UNC93A: variants seen among roughly 807,000 people sequenced by gnomAD.
UNC93A encodes unc-93 homolog A.
Under a neutral mutation model 47.5 loss-of-function variants are expected in UNC93A, and 43 were observed. The ratio of observed to expected loss-of-function variants is 0.91; its 90% confidence interval spans 0.71 to 1.17. The LOEUF (loss-of-function observed/expected upper bound fraction) is 1.17, where lower values mean the gene tolerates loss of function less well. Among genes scored for constraint, UNC93A ranks in the 50% most tolerant of loss-of-function variants. The pLI is 0.00. For missense variants in UNC93A, 605 were observed against 577.6 expected, an observed-to-expected ratio of 1.05 and a Z score of -0.49; for synonymous variants, 280 against 258.0, an observed-to-expected ratio of 1.09 and a Z score of -0.82.
intron 4 of UNC93A, among the ~76,000 whole-genome samples, chr6:167,301,988 C>A (rs1324755742): frequency 2.6e-5 from 4 of 152,144 alleles, no homozygotes; most frequent in African/African-American, 4.8e-5. Context: ...AGGAGTCCTG[C>A]TTTCATACGA....
chr6:167,285,960 C>CTCTCTCTA (rs534979428), intron 1 of UNC93A, among the ~76,000 whole-genome samples: 20 of 139,390 alleles, frequency 1.4e-4, no homozygotes, highest in African/African-American at 5.2e-4. Flanking sequence ...CTCTCTCTCT[C>CTCTCTCTA]TATATATATA....
intron 1 of UNC93A, among the ~76,000 whole-genome samples, chr6:167,284,167 A>G (rs1163936519): frequency 6.6e-6 from 1 of 151,908 alleles, no homozygotes; most frequent in African/African-American, 2.4e-5. Flanking sequence ...TCTTCAAAAC[A>G]CTAGGGATGG....
chr6:167,314,064 C>T (rs1174280559), intron 7 of UNC93A, among the ~76,000 whole-genome samples: 3 of 152,128 alleles, frequency 2.0e-5, no homozygotes, highest in Non-Finnish European at 4.4e-5. Flanking sequence ...GTAAGCGCAT[C>T]TGCGTTGGTC....
upstream of UNC93A, among the ~76,000 whole-genome samples, chr6:167,269,603 T>TTTTA (rs1258612710): frequency 6.6e-6 from 1 of 152,014 alleles, no homozygotes; most frequent in East Asian, 1.9e-4. Flanking sequence ...TTTAAAAAAT[T>TTTTA]TTTATTTATT....
chr6:167,274,132 T>C (rs1236046246), intron 1 of UNC93A, among the ~76,000 whole-genome samples: 1 of 152,176 alleles, frequency 6.6e-6, no homozygotes, highest in Middle Eastern at 3.2e-3. Flanking sequence ...TTATCTGTCA[T>C]GTGAAGTTAC....
At chr6:167,304,515 C>T (rs998985261) in intron 5 of UNC93A, among the ~76,000 whole-genome samples, 23 of 152,106 alleles carry the variant, frequency 1.5e-4, no homozygotes, top group African/African-American at 5.6e-4. Context: ...ATAGGAAAAG[C>T]ATTAAGTCCA....
Position 167,296,230 on chromosome 6 carries a change from A to T in UNC93A, c.468A>T (p.Ser156=), listed in dbSNP as rs1387866492. ...CCGGTGTGTGGGGCAACTTGATCTC[A>T]TCGCTGGTATTTGGCCAGACTCCCA... is the stretch of plus-strand genomic sequence containing the variant. The part of the protein sequence containing the change: ...QSSGVWGNLI[S]SLVFGQTPSQ... The change falls in exon 3 of 8, where the codon TCA becomes TCT. Residue 156 remains serine, a synonymous_variant. Transcript: ENST00000230256. 1 of 1,601,168 alleles carries T rather than the reference A, an allele frequency of 6.2e-7. No homozygotes were observed. Among genetic ancestry groups the T allele is most frequent in the Non-Finnish European group, 8.6e-7 (1 of 1,168,312 alleles).
chr6:167,280,535 T>C (rs1476304738), intron 1 of UNC93A, among the ~76,000 whole-genome samples: 1 of 152,132 alleles, frequency 6.6e-6, no homozygotes, highest in Non-Finnish European at 1.5e-5. Flanking sequence ...TGTCCTGCTG[T>C]TTCCATGGAT....
chr6:167,297,406 C>T (rs1469449808), intron 3 of UNC93A, among the ~76,000 whole-genome samples: 1 of 152,194 alleles, frequency 6.6e-6, no homozygotes, highest in African/African-American at 2.4e-5. Context: ...ACATCTTTCT[C>T]CTTTCCCCAG....
upstream of UNC93A, among the ~76,000 whole-genome samples, chr6:167,289,320 G>A (rs1214567393): frequency 6.6e-6 from 1 of 152,156 alleles, no homozygotes; most frequent in Admixed American, 6.5e-5. Context: ...GAACACTGAG[G>A]GGTGCTGGGA....
chr6:167,278,346 TC>T (rs1783577096), intron 1 of UNC93A, among the ~76,000 whole-genome samples: 1 of 151,954 alleles, frequency 6.6e-6, no homozygotes, highest in African/African-American at 2.4e-5. Context: ...AACTCGGGTG[TC>T]CCCAGGGCCC....
At chr6:167,286,312 C>T (rs529076401) in intron 1 of UNC93A, among the ~76,000 whole-genome samples, 2 of 152,328 alleles carry the variant, frequency 1.3e-5, no homozygotes, top group East Asian at 3.9e-4. Flanking sequence ...ACCCACACTG[C>T]ACATACAGGC....
chr6:167,298,295 T>G (rs372176984), intron 4 of UNC93A: 12 of 539,608 alleles, frequency 2.2e-5, no homozygotes, highest in East Asian at 1.1e-4. Flanking sequence ...GAGATTGTTA[T>G]ACATCTCCAG....
intron 6 of UNC93A, among the ~76,000 whole-genome samples, 195 bp from the exon 7 acceptor site, chr6:167,307,584 T>TGGTTG (rs1778435779): frequency 1.4e-5 from 2 of 138,566 alleles, no homozygotes; most frequent in East Asian, 2.0e-4. Context: ...ACGGTTGAGA[T>TGGTTG]AGTTGAGATG....
At chr6:167,277,506 G>A (rs2115076972) in intron 1 of UNC93A, among the ~76,000 whole-genome samples, 1 of 152,296 alleles carries the variant, frequency 6.6e-6, no homozygotes, top group Non-Finnish European at 1.5e-5. Context: ...TCCTGCAAAA[G>A]CTCTGGTCAG....
chr6:167,282,310 C>T lies in UNC93A; in HGVS notation c.-51-9129C>T, dbSNP rs936909328. 6.6e-5 allele frequency among the ~76,000 whole-genome samples: 10 copies of T among 151,924 alleles called. No individual in the cohort carries two copies. The East Asian group carries it at 1.7e-3, about 26-fold the overall frequency. On this transcript the variant is annotated intron_variant, in intron 1 of 3. Transcript: ENST00000503433. ...GGAGGCCTGCAGGGTGTGGGTCTGGCCTTGTCACAGGTAAACAAGAGGTCA... is the reference window on the plus strand; with the variant it reads ...GGAGGCCTGCAGGGTGTGGGTCTGGTCTTGTCACAGGTAAACAAGAGGTCA...
intron 4 of UNC93A, among the ~76,000 whole-genome samples, chr6:167,302,507 A>G (rs547581424): frequency 2.6e-5 from 4 of 152,272 alleles, no homozygotes; most frequent in African/African-American, 4.8e-5. Flanking sequence ...GGAGGAAAAC[A>G]GTGGAGATGC....
chr6:167,287,551 A>T (rs935824766), upstream of UNC93A, among the ~76,000 whole-genome samples: 1 of 152,184 alleles, frequency 6.6e-6, no homozygotes. Flanking sequence ...ACCCCAGTAC[A>T]TTAGGAAGGA....
intron 1 of UNC93A, among the ~76,000 whole-genome samples, chr6:167,293,876 C>G (rs187132335): frequency 2.3e-3 from 348 of 152,330 alleles, no homozygotes; most frequent in Non-Finnish European, 4.0e-3. Context: ...CCACCCTGCC[C>G]TGGAGCTGAG....
Sources: allele counts gnomAD v4.1 joint callset (sites outside exome capture counted in the v4.1 genomes callset), GRCh38; gene constraint gnomAD v4.1.1; transcripts MANE v1.5; gene names NCBI Gene and HGNC (gene_info 2026-07-23, HGNC 2026-07-21).